Variants in GLDC observed in about 807,000 individuals in gnomAD.
The protein encoded by GLDC is glycine dehydrogenase (decarboxylating), mitochondrial.
Under a neutral mutation model 121.3 loss-of-function variants are expected in GLDC, and 104 were observed. That is an observed-to-expected ratio of 0.86 (90% CI 0.73 to 1.01). GLDC has a LOEUF of 1.01. Among genes scored for constraint, GLDC ranks in the 50% least tolerant of loss-of-function variants. GLDC has a pLI of 0.00. For missense variants in GLDC, 1,429 were observed against 1,306.6 expected, an observed-to-expected ratio of 1.09 and a Z score of -1.44; for synonymous variants, 546 against 480.6, an observed-to-expected ratio of 1.14 and a Z score of -1.78.
chr9:6,588,059 T>C (rs1423375035), intron 14 of GLDC, among the ~76,000 whole-genome samples: 5 of 132,652 alleles, frequency 3.8e-5, no homozygotes, highest in Admixed American at 3.8e-4. Context: ...TAATTCTACC[T>C]GAGATTTAGA....
At position 6,615,423 on chromosome 9, in the gene GLDC, TA is replaced by T. The variant is rs34380343; in HGVS notation, c.470+4760del. On this transcript the variant is annotated intron_variant, in intron 3 of 24. Coordinates refer to ENST00000321612, the MANE Select transcript of GLDC (RefSeq NM_000170.3). ...AGAAACCTTGTCTCTACTAAAAATT[TA>T]AAAAAAAAAAAAAATTAGCCTGGCG... Among the ~76,000 whole-genome samples the T allele has an allele frequency of 3.5e-3, 498 of 141,144 alleles. 1 individual carries two copies. Among genetic ancestry groups the T allele is most frequent in the Admixed American group, 5.1e-3 (72 of 14,088 alleles). 92.6% of individuals were successfully genotyped at this position (141,144 alleles called of 152,430 possible).
chr9:6,622,999 G>A, intron 2 of GLDC: 1 of 162,108 alleles, frequency 6.2e-6, no homozygotes, highest in Non-Finnish European at 1.2e-5. Flanking sequence ...GAGGTGGGGG[G>A]TCAGCCCCTG....
intron 8 of GLDC, among the ~76,000 whole-genome samples, chr9:6,600,196 T>A (rs1186216877): frequency 1.3e-5 from 2 of 152,046 alleles, no homozygotes; most frequent in African/African-American, 2.4e-5. Flanking sequence ...AGACCTCGCC[T>A]CTACAAAACA....
intron 11 of GLDC, among the ~76,000 whole-genome samples, chr9:6,589,533 T>A (rs539011273): frequency 6.6e-6 from 1 of 152,260 alleles, no homozygotes; most frequent in East Asian, 1.9e-4. Context: ...CTGGGCTCAA[T>A]CCTCCTACCT....
At chr9:6,604,867 A>G (rs1200171977) in intron 6 of GLDC, 83 bp from the exon 7 acceptor site, 3 of 1,153,354 alleles carry the variant, frequency 2.6e-6, no homozygotes, top group Non-Finnish European at 3.9e-6. Context: ...TCTTAACTAC[A>G]GGAAGACGGG....
intron 15 of GLDC, among the ~76,000 whole-genome samples, chr9:6,567,828 G>A (rs1473668925): frequency 6.6e-6 from 1 of 152,122 alleles, no homozygotes; most frequent in Non-Finnish European, 1.5e-5. Flanking sequence ...CTCAATTAGA[G>A]CATAAGCTCT....
At chr9:6,637,854 AT>A (rs1161820249) in intron 2 of GLDC, among the ~76,000 whole-genome samples, 3 of 150,256 alleles carry the variant, frequency 2.0e-5, no homozygotes, top group East Asian at 2.0e-4. Context: ...CACATTAAAA[AT>A]TTTTTTTTAC....
chr9:6,553,627 G>C (rs140941212), intron 19 of GLDC, 118 bp from the exon 20 acceptor site: 12 of 929,932 alleles, frequency 1.3e-5, no homozygotes, highest in Non-Finnish European at 2.1e-5. Flanking sequence ...GACAGTGGAA[G>C]GGACTCTCCA....
Position 6,645,449 on chromosome 9 carries a change from C to T in GLDC, c.51G>A (p.Gly17=), listed in dbSNP as rs947785805. 6 of 1,258,274 alleles carry T rather than the reference C, an allele frequency of 4.8e-6. 1 individual carries two copies. The highest frequency in any genetic ancestry group is 5.9e-6 in the Non-Finnish European group (6 of 1,008,664). 77.9% of individuals were successfully genotyped at this position (1,258,274 alleles called of 1,614,324 possible). A position where few individuals can be genotyped will look rare whatever the true frequency, so the allele number is the denominator to read the frequency against. ...ATCCCCCAGCCAGGCGGCGGCCGCCCCCGACCCCGCGGCCCAGGCGCAGCC... is the reference window on the plus strand; with the variant it reads ...ATCCCCCAGCCAGGCGGCGGCCGCCTCCGACCCCGCGGCCCAGGCGCAGCC... ...AWGLRLGRGV[G]GGRRLAGGSG... Residue 17 remains glycine, a synonymous_variant, in exon 1 of 25, where the codon GGG becomes GGA. Transcript: ENST00000321612.
intron 16 of GLDC, among the ~76,000 whole-genome samples, chr9:6,561,551 A>T (rs543105116): frequency 4.5e-4 from 68 of 152,280 alleles, no homozygotes; most frequent in African/African-American, 1.6e-3. Context: ...TGGGAGGCTG[A>T]GGCATGAGAA....
At chr9:6,566,908 C>G (rs1427487138) in intron 15 of GLDC, among the ~76,000 whole-genome samples, 1 of 152,052 alleles carries the variant, frequency 6.6e-6, no homozygotes, top group African/African-American at 2.4e-5. Context: ...CACAAAGAAA[C>G]TGAGGTCTGA....
At chr9:6,577,696 T>A (rs1392738564) in intron 15 of GLDC, among the ~76,000 whole-genome samples, 1 of 152,134 alleles carries the variant, frequency 6.6e-6, no homozygotes, top group Non-Finnish European at 1.5e-5. Context: ...CCTATGCCCC[T>A]GTGCACACAC....
intron 21 of GLDC, among the ~76,000 whole-genome samples, chr9:6,549,385 G>C (rs1324695636): frequency 6.6e-6 from 1 of 152,128 alleles, no homozygotes; most frequent in Non-Finnish European, 1.5e-5. Flanking sequence ...AGGGAGTGGA[G>C]GCTGCAGGGA....
At chr9:6,552,956 T>C (rs905402597) in intron 20 of GLDC, among the ~76,000 whole-genome samples, 5 of 150,646 alleles carry the variant, frequency 3.3e-5, no homozygotes, top group African/African-American at 1.2e-4. Context: ...TATAGCAAAG[T>C]GAGATATATA....
chr9:6,590,878 C>A (rs1563850439), intron 11 of GLDC, among the ~76,000 whole-genome samples: 1 of 152,218 alleles, frequency 6.6e-6, no homozygotes, highest in African/African-American at 2.4e-5. Flanking sequence ...CTTCTTTGAT[C>A]ATTTATGAAT....
intron 2 of GLDC, 30 bp from the exon 3 acceptor site, chr9:6,620,349 G>C (rs761472159): frequency 5.0e-6 from 8 of 1,598,684 alleles, no homozygotes; most frequent in Non-Finnish European, 6.9e-6. Flanking sequence ...AAATGTTACA[G>C]ACAGATGTCT....
At chr9:6,554,879 A>G in intron 18 of GLDC, 98 bp from the exon 19 acceptor site, 1 of 835,862 alleles carries the variant, frequency 1.2e-6, no homozygotes, top group South Asian at 1.4e-5. Context: ...CTCCCCTCAG[A>G]GGAAAAGCAG....
intron 7 of GLDC, among the ~76,000 whole-genome samples, chr9:6,603,000 G>A (rs1412678487): frequency 6.6e-6 from 1 of 152,012 alleles, no homozygotes; most frequent in Non-Finnish European, 1.5e-5. Flanking sequence ...GGCCAAGGTG[G>A]GCGGATCACC....
At chr9:6,547,261 T>G (rs983250120) in intron 21 of GLDC, among the ~76,000 whole-genome samples, 1 of 152,170 alleles carries the variant, frequency 6.6e-6, no homozygotes, top group Non-Finnish European at 1.5e-5. Context: ...CAACATGATT[T>G]TAAGCTGTGA....
Sources: allele counts gnomAD v4.1 joint callset (sites outside exome capture counted in the v4.1 genomes callset), GRCh38; gene constraint gnomAD v4.1.1; transcripts MANE v1.5; gene names NCBI Gene and HGNC (gene_info 2026-07-23, HGNC 2026-07-21).